The following ADGRB3 variants were observed in gnomAD, a reference collection of about 807,000 sequenced individuals.
ADGRB3 encodes the protein brain-specific angiogenesis inhibitor 3.
A neutral mutation model predicts 193.4 loss-of-function variants in ADGRB3; 37 were observed. The observed-to-expected ratio is 0.19, with a 90% CI of 0.15 to 0.25. ADGRB3 has a LOEUF of 0.25. Ranked by LOEUF, ADGRB3 falls within the 10% of genes least tolerant of loss-of-function variation. ADGRB3 has a pLI of 1.00. For synonymous variants in ADGRB3, 690 were observed against 644.2 expected (o/e 1.07, Z -1.08); for missense variants, 1,637 against 1,852.9 (o/e 0.88, Z 2.14).
At position 69,219,775 on chromosome 6, in the gene ADGRB3, A is replaced by G. The variant is rs905623008; in HGVS notation, c.2481-13515A>G. Among the ~76,000 whole-genome samples the G allele has an allele frequency of 9.2e-5, 14 of 152,004 alleles. No homozygotes were observed. The East Asian group carries it at 2.7e-3, about 29-fold the overall frequency. ...TCACATCTTAGAGAAAACTTGAGCT[A>G]TGCATTCTTATCACCAAGAAATCAG... is the stretch of plus-strand genomic sequence containing the variant. On this transcript the variant is annotated intron_variant, in intron 17 of 31. Transcript: ENST00000370598.
At chr6:68,693,129 A>G (rs900480747) in intron 3 of ADGRB3, among the ~76,000 whole-genome samples, 1 of 151,888 alleles carries the variant, frequency 6.6e-6, no homozygotes, top group African/African-American at 2.4e-5. Flanking sequence ...GGAAAGGTCA[A>G]TTAAAACACA....
chr6:68,772,499 CT>C (rs912697810), intron 3 of ADGRB3, among the ~76,000 whole-genome samples: 1 of 151,900 alleles, frequency 6.6e-6, no homozygotes, highest in Non-Finnish European at 1.5e-5. Context: ...ATATGTTCAG[CT>C]TTAAAAAAGC....
intron 17 of ADGRB3, among the ~76,000 whole-genome samples, chr6:69,126,386 A>C (rs938871650): frequency 6.6e-6 from 1 of 152,194 alleles, no homozygotes; most frequent in Admixed American, 6.5e-5. Context: ...GAACGTTGGT[A>C]GAGTGGCTCA....
intron 16 of ADGRB3, among the ~76,000 whole-genome samples, chr6:69,070,883 A>G (rs1237214498): frequency 6.6e-6 from 1 of 152,226 alleles, no homozygotes; most frequent in Non-Finnish European, 1.5e-5. Flanking sequence ...GTATTGTGAC[A>G]TTATTGTTAT....
chr6:69,065,164 C>G (rs1771864238), intron 16 of ADGRB3, among the ~76,000 whole-genome samples: 2 of 152,238 alleles, frequency 1.3e-5, no homozygotes, highest in East Asian at 1.9e-4. Flanking sequence ...GAGAATATAT[C>G]TCCACTCTAG....
At chr6:69,258,154 A>G (rs912502046) in intron 20 of ADGRB3, among the ~76,000 whole-genome samples, 1 of 152,102 alleles carries the variant, frequency 6.6e-6, no homozygotes, top group Non-Finnish European at 1.5e-5. Context: ...AGAAGGATGA[A>G]AAAAATGACA....
intron 17 of ADGRB3, among the ~76,000 whole-genome samples, chr6:69,102,706 G>C (rs1034862683): frequency 6.6e-6 from 1 of 152,146 alleles, no homozygotes; most frequent in Non-Finnish European, 1.5e-5. Context: ...CTGATTTGTT[G>C]GTAGAAAAGA....
At chr6:68,756,501 G>A (rs1174464629) in intron 3 of ADGRB3, among the ~76,000 whole-genome samples, 2 of 152,080 alleles carry the variant, frequency 1.3e-5, no homozygotes, top group Non-Finnish European at 2.9e-5. Flanking sequence ...TGAAATAGAA[G>A]CATGGGCTTC....
chr6:69,121,697 T>C (rs1264944017), intron 17 of ADGRB3, among the ~76,000 whole-genome samples: 2 of 143,996 alleles, frequency 1.4e-5, no homozygotes, highest in African/African-American at 2.6e-5. Flanking sequence ...ACCTCCCAGA[T>C]GGGGTGGCGG....
At chr6:68,868,806 G>T (rs1765376617) in intron 3 of ADGRB3, among the ~76,000 whole-genome samples, 1 of 152,022 alleles carries the variant, frequency 6.6e-6, no homozygotes, top group Non-Finnish European at 1.5e-5. Flanking sequence ...GATGTGTGAT[G>T]ACAAGCTGCC....
chr6:68,834,145 G>A (rs1176525467), intron 3 of ADGRB3, among the ~76,000 whole-genome samples: 2 of 151,894 alleles, frequency 1.3e-5, no homozygotes, highest in Non-Finnish European at 2.9e-5. Context: ...AGTCTAAATG[G>A]TAAACTCTTT....
intron 3 of ADGRB3, among the ~76,000 whole-genome samples, chr6:68,712,690 A>G (rs7747951): frequency 0.035 from 5,392 of 151,978 alleles, 305 homozygotes; most frequent in African/African-American, 0.12. Flanking sequence ...ATGATCATGG[A>G]TGTTGAGACC....
chr6:68,777,154 G>A (rs1399087533), intron 3 of ADGRB3, among the ~76,000 whole-genome samples: 1 of 152,098 alleles, frequency 6.6e-6, no homozygotes, highest in Non-Finnish European at 1.5e-5. Context: ...TCCCCTGTGT[G>A]CAAGGAATAT....
In ADGRB3 at chr6:69,253,965, GT is replaced by G. The variant is rs576420503; in HGVS notation, c.2814+14741del. The stretch of plus-strand genomic sequence containing the variant: ...AGCACAAATAGAATATTTGTAGAAA[GT>G]TAAGAAATGAGCAGCAATATTCCCT... On this transcript the variant is annotated intron_variant, in intron 20 of 31. Transcript: ENST00000370598. Among the ~76,000 whole-genome samples the G allele has an allele frequency of 2.8e-4, 43 of 152,210 alleles. No individual in the cohort carries two copies. In the South Asian group the frequency reaches 8.9e-3, roughly 32 times the overall value.
intron 20 of ADGRB3, among the ~76,000 whole-genome samples, chr6:69,285,027 C>A (rs1208625898): frequency 6.6e-6 from 1 of 152,188 alleles, no homozygotes; most frequent in Non-Finnish European, 1.5e-5. Flanking sequence ...CAAAAAAACA[C>A]ATAACACCTT....
chr6:68,754,958 A>G (rs1275917058), intron 3 of ADGRB3, among the ~76,000 whole-genome samples: 1 of 152,154 alleles, frequency 6.6e-6, no homozygotes, highest in African/African-American at 2.4e-5. Flanking sequence ...CAAGTATAAC[A>G]GTGTCAAATG....
intron 17 of ADGRB3, among the ~76,000 whole-genome samples, chr6:69,101,213 G>T (rs1477615765): frequency 2.6e-5 from 4 of 152,046 alleles, no homozygotes; most frequent in African/African-American, 7.3e-5. Context: ...AATGCTTCCA[G>T]AGTGAAAAAC....
chr6:69,121,971 G>C (rs558996093), intron 17 of ADGRB3, among the ~76,000 whole-genome samples: 1 of 150,882 alleles, frequency 6.6e-6, no homozygotes, highest in East Asian at 2.0e-4. Context: ...CATCCCAGAC[G>C]ATGGGCGGCC....
chr6:68,890,587 G>T (rs1019021837), intron 3 of ADGRB3, among the ~76,000 whole-genome samples: 1 of 152,122 alleles, frequency 6.6e-6, no homozygotes, highest in Non-Finnish European at 1.5e-5. Flanking sequence ...GCCAATTGTT[G>T]CAAGGGATAT....
Sources: gnomAD v4.1 joint callset for allele counts (sites outside exome capture counted in the v4.1 genomes callset) on GRCh38, gnomAD v4.1.1 for gene constraint, MANE v1.5 for transcripts, NCBI Gene and HGNC (gene_info 2026-07-23, HGNC 2026-07-21) for gene names.